Variants in C22orf23 observed in about 807,000 individuals in gnomAD.
C22orf23 encodes the protein chromosome 22 open reading frame 23, also known as UPF0193 protein EVG1.
In C22orf23, 30 loss-of-function variants were observed where a neutral mutation model predicts 29.7. The ratio of observed to expected loss-of-function variants is 1.01; its 90% confidence interval spans 0.76 to 1.37. The LOEUF (loss-of-function observed/expected upper bound fraction) is 1.37, where lower values mean the gene tolerates loss of function less well. Ranked by LOEUF, C22orf23 falls within the 40% of genes most tolerant of loss-of-function variation. The pLI is 0.00. For synonymous variants in C22orf23, 90 were observed against 96.1 expected (o/e 0.94, Z 0.37); for missense variants, 237 against 273.1 (o/e 0.87, Z 0.93).
intron 3 of C22orf23, among the ~76,000 whole-genome samples, chr22:37,948,911 A>G: frequency 6.6e-6 from 1 of 152,134 alleles, no homozygotes; most frequent in Non-Finnish European, 1.5e-5. Context: ...CTTATTTTTT[A>G]TAGCTATATA....
chr22:37,944,364 C>T (rs994231425), intron 6 of C22orf23, 53 bp downstream of exon 6: 11 of 1,613,190 alleles, frequency 6.8e-6, no homozygotes, highest in East Asian at 6.7e-5. Context: ...TATTTCCATT[C>T]GCACTTGGCG....
chr22:37,952,011 C>G (rs1159936371), intron 2 of C22orf23, among the ~76,000 whole-genome samples: 1 of 151,682 alleles, frequency 6.6e-6, no homozygotes, highest in Non-Finnish European at 1.5e-5. Context: ...GACTGGGTTT[C>G]TCCATGTTGG....
At position 37,946,873 on chromosome 22, in the gene C22orf23, T is replaced by TAAA. The variant is rs11361013; in HGVS notation, c.349+405_349+407dup. ...TGGGCACAGAGTAAGGCTCTGTCTT[T>TAAA]AAAAAAAAAAAAAAAAAAAAAGTTT... On this transcript the variant is annotated intron_variant, in intron 4 of 6. Transcript: ENST00000403305. Among the ~76,000 whole-genome samples, 3 of 115,096 alleles carry TAAA rather than the reference T, an allele frequency of 2.6e-5. No homozygotes were observed. The East Asian group carries it at 7.3e-4, about 28-fold the overall frequency. 75.5% of individuals were successfully genotyped at this position (115,096 alleles called of 152,430 possible).
chr22:37,953,641 C>G, upstream of C22orf23: 1 of 970,294 alleles, frequency 1.0e-6, no homozygotes, highest in Non-Finnish European at 1.5e-6. Flanking sequence ...CGCACTTTCC[C>G]CGCTCTGTCC....
At chr22:37,947,002 C>T (rs548071861) in intron 4 of C22orf23, among the ~76,000 whole-genome samples, 1 of 151,704 alleles carries the variant, frequency 6.6e-6, no homozygotes, top group Admixed American at 6.6e-5. Context: ...AGAGGTTAGG[C>T]TGTGGCATTG....
In C22orf23 at chr22:37,949,077, A is replaced by T. The variant is rs186680295; in HGVS notation, c.167-1614T>A. Among the ~76,000 whole-genome samples the T allele has an allele frequency of 2.6e-5, 4 of 152,174 alleles. No individual in the cohort carries two copies. The East Asian group carries it at 7.7e-4, about 29-fold the overall frequency. ...TGTACCGATGCTTTAATTTCTATGG[A>T]TGGGTTCCTAAAACTTTCTGTGTGG... On this transcript the variant is annotated intron_variant, in intron 3 of 6. Transcript: ENST00000403305.
In C22orf23 at chr22:37,948,676, TCTC is replaced by T. The variant is rs1341883252; in HGVS notation, c.167-1216_167-1214del. 4.6e-5 allele frequency among the ~76,000 whole-genome samples: 7 copies of T among 152,198 alleles called. No homozygotes were observed. In the East Asian group the frequency reaches 1.4e-3, roughly 29 times the overall value. On this transcript the variant is annotated intron_variant, in intron 3 of 6. Transcript: ENST00000403305. ...ACAAGTCAAACAGTACAAGGAGTCT[TCTC>T]TTCTTCCTTCCAGTCCCACCCCTCT...
chr22:37,950,101 GT>G (rs370034534), intron 3 of C22orf23, among the ~76,000 whole-genome samples: 3 of 150,932 alleles, frequency 2.0e-5, no homozygotes, highest in African/African-American at 7.3e-5. Context: ...CAGCTGACCT[GT>G]TTTTTTTTAT....
intron 3 of C22orf23, among the ~76,000 whole-genome samples, chr22:37,948,712 ATGAG>A (rs1211938560): frequency 3.9e-5 from 6 of 152,190 alleles, no homozygotes; most frequent in Non-Finnish European, 7.4e-5. Flanking sequence ...TCTATAATGA[ATGAG>A]TGATAATGGT....
At chr22:37,944,577 C>T in intron 5 of C22orf23, 60 bp from the exon 6 acceptor site, 14 of 1,428,402 alleles carry the variant, frequency 9.8e-6, no homozygotes, top group Non-Finnish European at 1.4e-5. Flanking sequence ...GGTTGCCTCT[C>T]TTGAGGAGAG....
At chr22:37,949,527 C>A (rs1248260385) in intron 3 of C22orf23, among the ~76,000 whole-genome samples, 1 of 141,932 alleles carries the variant, frequency 7.0e-6, no homozygotes, top group African/African-American at 2.6e-5. Context: ...GGTGTGATCT[C>A]AGCTCACTGC....
At chr22:37,951,797 CTTTTTTTTTTTTTTTTTTTTTT>C (rs551481283) in intron 2 of C22orf23, 27 of 38,776 alleles carry the variant, frequency 7.0e-4, no homozygotes, top group South Asian at 5.9e-3. Context: ...TCCTCTTTCT[CTTTTTTTTTTTTTTTTTTTTTT>C]TTTTTTTTTT....
At chr22:37,948,587 C>T (rs1448171588) in intron 3 of C22orf23, among the ~76,000 whole-genome samples, 2 of 152,290 alleles carry the variant, frequency 1.3e-5, no homozygotes, top group East Asian at 1.9e-4. Context: ...AGCCACTGCA[C>T]TCCAGCCTGG....
At chr22:37,951,682 C>T in intron 2 of C22orf23, 160 bp from the exon 3 acceptor site, 1 of 441,686 alleles carries the variant, frequency 2.3e-6, no homozygotes, top group Non-Finnish European at 4.0e-6. Context: ...CTTACGACCA[C>T]CTAAAATTCT....
At position 37,947,322 on chromosome 22, in the gene C22orf23, T is replaced by A; in HGVS notation, c.308A>T (p.Asn103Ile). The change falls in exon 4 of 7, where the codon AAT becomes ATT. Residue 103 changes from asparagine (N) to isoleucine (I), a missense_variant. Coordinates refer to ENST00000403305, the MANE Select transcript of C22orf23 (RefSeq NM_032561.5). ...GAACTGCTCCCGGCTGTAGGCCCCATTGGCTTGACACATGTTGGCAGGCCG... is the reference window on the plus strand; with the variant it reads ...GAACTGCTCCCGGCTGTAGGCCCCAATGGCTTGACACATGTTGGCAGGCCG... ...HLRPANMCQANGAYSREQFKP... is the reference protein window; with the variant it reads ...HLRPANMCQAIGAYSREQFKP... 6.2e-7 allele frequency: 1 copy of A among 1,613,878 alleles called. No homozygotes were observed. Among genetic ancestry groups the A allele is most frequent in the Non-Finnish European group, 8.5e-7 (1 of 1,179,958 alleles).
rs927473614 is a variant in C22orf23 at position 37,947,317 on chromosome 22, C to T, written c.313G>A (p.Ala105Thr). ...GGCTTGAACTGCTCCCGGCTGTAGG[C>T]CCCATTGGCTTGACACATGTTGGCA... is the stretch of plus-strand genomic sequence containing the variant. Reference protein sequence around the residue: ...RPANMCQANGAYSREQFKPQA... With the variant: ...RPANMCQANGTYSREQFKPQA... Residue 105 changes from alanine (A) to threonine (T), a missense_variant, in exon 4 of 7, where the codon GCC becomes ACC. Physicochemically the swap from Ala to Thr is moderately conservative, Grantham distance 58. Transcript: ENST00000403305. 8.1e-6 allele frequency: 13 copies of T among 1,613,822 alleles called. No individual in the cohort carries two copies. In the African/African-American group the frequency reaches 1.7e-4, roughly 22 times the overall value.
At position 37,943,886 on chromosome 22, in the gene C22orf23, A is replaced by C; in HGVS notation, c.*289T>G. On this transcript the variant is annotated 3_prime_UTR_variant, in exon 7 of 7. Coordinates refer to ENST00000403305, the MANE Select transcript of C22orf23 (RefSeq NM_032561.5). ...ACTAAATGAACAGGCCACAGGTCAGAAGTGGTGGGAAGCAGGCCCAGTGGA... is the reference window on the plus strand; with the variant it reads ...ACTAAATGAACAGGCCACAGGTCAGCAGTGGTGGGAAGCAGGCCCAGTGGA... The C allele has an allele frequency of 2.0e-6, 1 of 496,916 alleles. No homozygotes were observed. The highest frequency in any genetic ancestry group is 3.3e-5 in the East Asian group (1 of 30,136). The allele number at this position is 496,916 out of a possible 1,614,324, so 30.8% of individuals were successfully genotyped here. A position where few individuals can be genotyped will look rare whatever the true frequency, so the allele number is the denominator to read the frequency against.
rs1376558496 is a variant in C22orf23 at position 37,947,439 on chromosome 22, C to T, written c.191G>A (p.Cys64Tyr). ...GACTCTCTGGCTGGATGTTGGGCTG[C>T]ACTGTAGGGGCAAAGCATCTCCTCC... ...MKRGDALPLQCSPTSSQRVLP... is the reference protein window; with the variant it reads ...MKRGDALPLQYSPTSSQRVLP... The change falls in exon 4 of 7, where the codon TGC (cysteine) becomes TAC (tyrosine). Residue 64 changes from cysteine (C) to tyrosine (Y), a missense_variant. Physicochemically the swap from Cys to Tyr is radical, Grantham distance 194 (BLOSUM62 -2). Coordinates refer to ENST00000403305, the MANE Select transcript of C22orf23 (RefSeq NM_032561.5). 1.2e-6 allele frequency: 2 copies of T among 1,601,026 alleles called. No homozygotes were observed. Among genetic ancestry groups the T allele is most frequent in the East Asian group, 4.5e-5 (2 of 44,104 alleles).
At position 37,946,578 on chromosome 22, in the gene C22orf23, CAAA is replaced by C. The variant is rs891945997; in HGVS notation, c.349+700_349+702del. 2.0e-4 allele frequency among the ~76,000 whole-genome samples: 11 copies of C among 54,816 alleles called. No individual in the cohort carries two copies. In the East Asian group the frequency reaches 3.0e-3, roughly 15 times the overall value. The allele number at this position is 54,816 out of a possible 152,430, so 36.0% of individuals were successfully genotyped here. A position where few individuals can be genotyped will look rare whatever the true frequency, so the allele number is the denominator to read the frequency against. On this transcript the variant is annotated intron_variant, in intron 4 of 6. Coordinates refer to ENST00000403305, the MANE Select transcript of C22orf23 (RefSeq NM_032561.5). ...TGACAGAATGAGAGCGACACTGTCTCAAAAAAAAAAAAAAAAAAAGGCCGGGAG... is the reference window on the plus strand; with the variant it reads ...TGACAGAATGAGAGCGACACTGTCTCAAAAAAAAAAAAAAAAGGCCGGGAG...
Sources: gnomAD v4.1 joint callset for allele counts (sites outside exome capture counted in the v4.1 genomes callset) on GRCh38, gnomAD v4.1.1 for gene constraint, MANE v1.5 for transcripts, NCBI Gene and HGNC (gene_info 2026-07-23, HGNC 2026-07-21) for gene names.